Variants in RNF212 observed in about 807,000 individuals in gnomAD.
RNF212 encodes ring finger protein 212.
A neutral mutation model predicts 34.7 loss-of-function variants in RNF212; 33 were observed. The observed-to-expected ratio is 0.95, with a 90% CI of 0.72 to 1.27. The LOEUF (loss-of-function observed/expected upper bound fraction) is 1.27. RNF212 is among the 50% of genes most tolerant of loss of function. The pLI, the probability that RNF212 is intolerant of heterozygous loss-of-function variation, is 0.00. For missense variants in RNF212, 377 were observed against 362.2 expected (o/e 1.04, Z -0.33); for synonymous variants, 140 against 136.1 (o/e 1.03, Z -0.20).
chr4:1,094,256 G>A (rs569697468), intron 3 of RNF212, among the ~76,000 whole-genome samples: 210 of 152,174 alleles, frequency 1.4e-3, no homozygotes, highest in Non-Finnish European at 2.2e-3. Context: ...GAAGTGCAGG[G>A]CGGGGGCCAG....
At chr4:1,071,104 A>T (rs1478340751), downstream of RNF212, among the ~76,000 whole-genome samples, 1 of 151,514 alleles carries the variant, frequency 6.6e-6, no homozygotes. Flanking sequence ...AAATTATTTT[A>T]AAAAACTAAT....
intron 5 of RNF212, among the ~76,000 whole-genome samples, chr4:1,084,417 T>A (rs1220810549): frequency 1.3e-5 from 2 of 152,136 alleles, no homozygotes; most frequent in African/African-American, 4.8e-5. Context: ...AAAGCCATGG[T>A]CAGCTTGGCA....
chr4:1,075,618 CAT>C (rs1352567907), intron 8 of RNF212, among the ~76,000 whole-genome samples: 2 of 152,242 alleles, frequency 1.3e-5, no homozygotes, highest in African/African-American at 4.8e-5. Flanking sequence ...TATAATTCCA[CAT>C]GAGATTCGGG....
intron 3 of RNF212, among the ~76,000 whole-genome samples, chr4:1,062,544 T>C (rs1173574413): frequency 3.3e-5 from 5 of 152,166 alleles, no homozygotes. Flanking sequence ...AACACCATCC[T>C]TCATGGTGAA....
At chr4:1,075,501 G>T (rs1162997464) in intron 8 of RNF212, among the ~76,000 whole-genome samples, 1 of 152,166 alleles carries the variant, frequency 6.6e-6, no homozygotes, top group Non-Finnish European at 1.5e-5. Flanking sequence ...TAACCAGCCA[G>T]ATCTCGTGAG....
intron 9 of RNF212, 118 bp downstream of exon 9, chr4:1,073,481 G>C: frequency 1.2e-6 from 1 of 840,564 alleles, no homozygotes; most frequent in Non-Finnish European, 2.0e-6. Context: ...CATGCACCGG[G>C]TGGAAGGACA....
intron 4 of RNF212, chr4:1,056,879 G>A (rs1175532207): frequency 3.0e-6 from 3 of 987,822 alleles, no homozygotes; most frequent in African/African-American, 3.5e-5. Context: ...GCTGATGGGC[G>A]GCCGGGGGGG....
intron 5 of RNF212, among the ~76,000 whole-genome samples, chr4:1,084,752 C>T (rs1379301594): frequency 1.5e-5 from 2 of 132,436 alleles, no homozygotes; most frequent in East Asian, 2.2e-4. Context: ...AAAAAAAAAG[C>T]GAAGGAAAGG....
chr4:1,110,553 G>A (rs537553380), intron 1 of RNF212, among the ~76,000 whole-genome samples: 46 of 152,208 alleles, frequency 3.0e-4, no homozygotes, highest in Non-Finnish European at 6.2e-4. Flanking sequence ...GCCAAAAGAT[G>A]TATCATGCAA....
intron 4 of RNF212, chr4:1,058,264 G>T: frequency 1.7e-6 from 1 of 602,778 alleles, no homozygotes; most frequent in South Asian, 7.1e-5. Context: ...ACGCTGTGAA[G>T]AAGGTGCTTG....
rs951733415 is a variant in RNF212, at chr4:1,059,542, G to T, written n.148-1149C>A. 6.1e-3 allele frequency among the ~76,000 whole-genome samples: 45 copies of T among 7,426 alleles called. 1 individual carries two copies. Among genetic ancestry groups the T allele is most frequent in the Middle Eastern group, 0.062 (1 of 16 alleles). 4.9% of individuals were successfully genotyped at this position (7,426 alleles called of 152,430 possible). A position where few individuals can be genotyped will look rare whatever the true frequency, so the allele number is the denominator to read the frequency against. The stretch of plus-strand genomic sequence containing the variant: ...GTGTTCAGAGCCAACCCCAAGCCTG[G>T]GCGGCCTGTTCCACTCACCCTGCCT... On this transcript the variant is annotated intron_variant and non_coding_transcript_variant, in intron 3 of 4. Coordinates refer to the RNF212 transcript ENST00000503206.
At chr4:1,108,259 C>A in intron 2 of RNF212, 84 bp downstream of exon 2, 2 of 889,496 alleles carry the variant, frequency 2.2e-6, no homozygotes, top group East Asian at 6.0e-5. Context: ...ATTTTAGACA[C>A]CACAAATGAC....
rs144654020 is a variant in RNF212, at chr4:1,065,916, G to A, written n.148-7523C>T. On this transcript the variant is annotated intron_variant and non_coding_transcript_variant, in intron 3 of 4. Coordinates refer to the RNF212 transcript ENST00000503206. ...TTAAGAGACAGGATCTTACTCTGTC[G>A]TCCAGGCTGGAGTGCAGTGATGCAA... Among the ~76,000 whole-genome samples the A allele has an allele frequency of 5.0e-3, 760 of 151,360 alleles. 23 individuals are homozygous for A. The highest frequency in any genetic ancestry group is 0.01 in the South Asian group (49 of 4,770).
At position 1,072,692 on chromosome 4, in the gene RNF212, A is replaced by G; in HGVS notation, c.*182T>C. 1 of 1,332,396 alleles carries G rather than the reference A, an allele frequency of 7.5e-7. No individual in the cohort carries two copies. Among genetic ancestry groups the G allele is most frequent in the Non-Finnish European group, 9.8e-7 (1 of 1,019,762 alleles). 82.5% of individuals were successfully genotyped at this position (1,332,396 alleles called of 1,614,324 possible). On this transcript the variant is annotated 3_prime_UTR_variant, in exon 10 of 10. Transcript: ENST00000433731. ...ACAATATATATGAGTACATAAAAATATTGTCTCTAAAATTCAAAGGTCAAA... is the reference window on the plus strand; with the variant it reads ...ACAATATATATGAGTACATAAAAATGTTGTCTCTAAAATTCAAAGGTCAAA...
chr4:1,073,649 G>A lies in RNF212; in HGVS notation c.524C>T (p.Ala175Val). 1 of 1,611,896 alleles carries A rather than the reference G, an allele frequency of 6.2e-7. No homozygotes were observed. The highest frequency in any genetic ancestry group is 8.5e-7 in the Non-Finnish European group (1 of 1,178,450). Residue 175 changes from alanine to valine, a missense_variant, in exon 9 of 10, where the codon GCC (alanine) becomes GTC (valine). Coordinates refer to ENST00000433731, the MANE Select transcript of RNF212 (RefSeq NM_001131034.4). ...AATCATGGAGATTCTCGCAGGGCCG[G>A]CTGCTATCTCAGACTAAGAATGCAA... ...PSPIRKSEIA[A>V]GPARISMISP...
intron 4 of RNF212, among the ~76,000 whole-genome samples, chr4:1,090,491 C>A (rs1382255915): frequency 6.6e-6 from 1 of 152,314 alleles, no homozygotes; most frequent in East Asian, 1.9e-4. Context: ...GCCTTCCAAA[C>A]TCCCAAGGCC....
At position 1,096,838 on chromosome 4, in the gene RNF212, G is replaced by C; in HGVS notation, c.173C>G (p.Thr58Ser). Reference protein sequence around the residue: ...PCRTVLLSKHTDADIQAFFMS... With the variant: ...PCRTVLLSKHSDADIQAFFMS... ...GAAGAATGCCTGGATATCTGCGTCG[G>C]TCTGAAAGAGAAAGAAATGACTCTA... Residue 58 changes from threonine to serine, a missense_variant and splice_region_variant, in exon 3 of 10, where the codon ACC (threonine) becomes AGC (serine). Physicochemically the swap from Thr to Ser is moderately conservative, Grantham distance 58. Transcript: ENST00000433731. 1 of 1,603,456 alleles carries C rather than the reference G, an allele frequency of 6.2e-7. No individual in the cohort carries two copies. The highest frequency in any genetic ancestry group is 8.5e-7 in the Non-Finnish European group (1 of 1,170,042).
chr4:1,085,609 G>T, intron 5 of RNF212: 1 of 521,922 alleles, frequency 1.9e-6, no homozygotes, highest in Non-Finnish European at 3.4e-6. Flanking sequence ...GAGAGGCCGG[G>T]GGCACCTGCT....
intron 2 of RNF212, chr4:1,100,216 G>A (rs907402057): frequency 6.7e-6 from 2 of 296,720 alleles, no homozygotes; most frequent in Admixed American, 4.8e-5. Context: ...TACTTCTAGC[G>A]TTAGGTCTTG....
Sources: allele counts gnomAD v4.1 joint callset (sites outside exome capture counted in the v4.1 genomes callset), GRCh38; gene constraint gnomAD v4.1.1; transcripts MANE v1.5; gene names NCBI Gene and HGNC (gene_info 2026-07-23, HGNC 2026-07-21).